The following ITFG1 variants were observed in gnomAD, a reference collection of about 807,000 sequenced individuals.
ITFG1 encodes T-cell immunomodulatory protein.
ITFG1 carries 34 observed loss-of-function variants against 81.8 expected under a neutral mutation model. That is an observed-to-expected ratio of 0.42 (90% confidence interval 0.32 to 0.55). The LOEUF (loss-of-function observed/expected upper bound fraction) is 0.55. ITFG1 is among the 20% of genes least tolerant of loss of function. The probability of loss-of-function intolerance (pLI) is 0.17; values close to 1 mark genes in which losing one functional copy is unlikely to be tolerated. For synonymous variants in ITFG1, 285 were observed against 270.6 expected (o/e 1.05, Z -0.52); for missense variants, 672 against 755.4 (o/e 0.89, Z 1.29).
chr16:47,266,752 A>G (rs1467874875), intron 10 of ITFG1, among the ~76,000 whole-genome samples: 2 of 152,198 alleles, frequency 1.3e-5, no homozygotes, highest in Admixed American at 6.5e-5. Context: ...TATATGGAAA[A>G]ATGTTCATAG....
chr16:47,403,825 C>G lies in ITFG1; in HGVS notation c.655+24979G>C, dbSNP rs111318543. 5.5e-4 allele frequency among the ~76,000 whole-genome samples: 83 copies of G among 150,474 alleles called. 2 individuals are homozygous for G. Among genetic ancestry groups the G allele is most frequent in the African/African-American group, 1.9e-3 (77 of 40,930 alleles). ...ACACACACAGAGGGAGAGACAGAAA[C>G]GCTTACTCTAGGTGGTTTCTCTAGG... On this transcript the variant is annotated intron_variant, in intron 6 of 17. Coordinates refer to ENST00000320640, the MANE Select transcript of ITFG1 (RefSeq NM_030790.5).
chr16:47,373,787 T>A (rs1288999127), intron 7 of ITFG1, among the ~76,000 whole-genome samples: 1 of 152,208 alleles, frequency 6.6e-6, no homozygotes, highest in Non-Finnish European at 1.5e-5. Context: ...AACTGATATG[T>A]AAGAAGATTT....
chr16:47,212,710 T>C (rs952289009), intron 14 of ITFG1, among the ~76,000 whole-genome samples: 18 of 152,356 alleles, frequency 1.2e-4, no homozygotes, highest in African/African-American at 4.3e-4. Context: ...TTCTAAGATG[T>C]CCAATGCATG....
chr16:47,188,495 C>T (rs2095344794), intron 14 of ITFG1, among the ~76,000 whole-genome samples: 1 of 150,568 alleles, frequency 6.6e-6, no homozygotes, highest in African/African-American at 2.4e-5. Context: ...TCATCATTCT[C>T]AGTAAACTAT....
intron 10 of ITFG1, among the ~76,000 whole-genome samples, chr16:47,289,924 ATT>A (rs1273725338): frequency 2.6e-5 from 4 of 151,904 alleles, no homozygotes; most frequent in Non-Finnish European, 4.4e-5. Context: ...TTTGACATGC[ATT>A]GTTAGGTGGT....
chr16:47,179,548 T>C (rs572060965), intron 14 of ITFG1, among the ~76,000 whole-genome samples: 4 of 152,216 alleles, frequency 2.6e-5, no homozygotes, highest in Admixed American at 6.5e-5. Flanking sequence ...ATGGTTGTAC[T>C]GAGTAAAGTC....
In ITFG1 at chr16:47,250,781, A is replaced by C. The variant is rs190814912; in HGVS notation, c.1330+7851T>G. On this transcript the variant is annotated intron_variant, in intron 12 of 17. Transcript: ENST00000320640. ...GAGTAGGATTGAGAAAGAGCTAATT[A>C]GTGTTGAGCAGGTCAGAGAGCTACT... 1.6e-3 allele frequency among the ~76,000 whole-genome samples: 246 copies of C among 152,360 alleles called. 3 individuals carry two copies. Among genetic ancestry groups the C allele is most frequent in the African/African-American group, 5.7e-3 (236 of 41,594 alleles).
At chr16:47,317,043 C>T (rs1406758505) in intron 8 of ITFG1, among the ~76,000 whole-genome samples, 8 of 152,164 alleles carry the variant, frequency 5.3e-5, no homozygotes, top group Admixed American at 5.2e-4. Context: ...GAAACTGCAA[C>T]AGATGGAATA....
At chr16:47,308,334 T>C (rs1967202625) in intron 10 of ITFG1, among the ~76,000 whole-genome samples, 1 of 152,220 alleles carries the variant, frequency 6.6e-6, no homozygotes, top group African/African-American at 2.4e-5. Context: ...AAAAGAATAG[T>C]GGCTAGAAAT....
At chr16:47,249,674 G>A (rs1567435470) in intron 12 of ITFG1, among the ~76,000 whole-genome samples, 1 of 152,178 alleles carries the variant, frequency 6.6e-6, no homozygotes, top group Non-Finnish European at 1.5e-5. Flanking sequence ...TGGACAATGG[G>A]ATGTGCAATT....
chr16:47,431,137 A>G (rs1969090705), intron 5 of ITFG1, among the ~76,000 whole-genome samples: 3 of 152,276 alleles, frequency 2.0e-5, no homozygotes, highest in South Asian at 4.1e-4. Context: ...TTAAATCTAT[A>G]GAGACAGAAA....
In ITFG1 at chr16:47,208,852, A is replaced by C. The variant is rs527855485; in HGVS notation, c.1453+10016T>G. 2.0e-5 allele frequency among the ~76,000 whole-genome samples: 3 copies of C among 152,368 alleles called. No homozygotes were observed. In the East Asian group the frequency reaches 5.8e-4, roughly 29 times the overall value. Reference sequence around the variant, plus strand: ...GTAAAACCTTTTGATTGAGGAAGTCAGATGGTCAACCCATCTTCCTTCCAT... The same window carrying C: ...GTAAAACCTTTTGATTGAGGAAGTCCGATGGTCAACCCATCTTCCTTCCAT... On this transcript the variant is annotated intron_variant, in intron 14 of 17. Transcript: ENST00000320640.
intron 5 of ITFG1, among the ~76,000 whole-genome samples, chr16:47,438,847 C>A (rs1358830765): frequency 2.0e-5 from 3 of 152,112 alleles, no homozygotes; most frequent in Non-Finnish European, 4.4e-5. Context: ...ATGACTTTGA[C>A]GAGTTGAGAG....
At chr16:47,211,363 C>T (rs937814489) in intron 14 of ITFG1, among the ~76,000 whole-genome samples, 2 of 152,248 alleles carry the variant, frequency 1.3e-5, no homozygotes, top group East Asian at 1.9e-4. Context: ...TTTTTGCGTT[C>T]TTGTATCCTG....
intron 8 of ITFG1, among the ~76,000 whole-genome samples, chr16:47,330,685 A>C (rs1381821266): frequency 6.6e-6 from 1 of 152,188 alleles, no homozygotes; most frequent in Non-Finnish European, 1.5e-5. Flanking sequence ...ATACTTCTCA[A>C]AAGAAGACAT....
At chr16:47,191,002 A>G (rs571931152) in intron 14 of ITFG1, among the ~76,000 whole-genome samples, 10 of 152,220 alleles carry the variant, frequency 6.6e-5, no homozygotes, top group African/African-American at 2.2e-4. Flanking sequence ...CAAGTCCCAC[A>G]GTATAAGGGC....
At chr16:47,282,250 T>A (rs1596859202) in intron 10 of ITFG1, among the ~76,000 whole-genome samples, 1 of 151,814 alleles carries the variant, frequency 6.6e-6, no homozygotes, top group African/African-American at 2.4e-5. Context: ...TCTCATCCCT[T>A]ACACCCCCTC....
intron 14 of ITFG1, among the ~76,000 whole-genome samples, chr16:47,211,491 C>A (rs1293357231): frequency 6.6e-6 from 1 of 152,120 alleles, no homozygotes; most frequent in Non-Finnish European, 1.5e-5. Flanking sequence ...GGTTTTACTT[C>A]TTTGCTTTCA....
At chr16:47,254,422 A>G (rs1966116891) in intron 12 of ITFG1, among the ~76,000 whole-genome samples, 1 of 152,036 alleles carries the variant, frequency 6.6e-6, no homozygotes, top group Non-Finnish European at 1.5e-5. Context: ...GGGAATTGGA[A>G]TATCTTATCA....
Sources: allele counts gnomAD v4.1 joint callset (sites outside exome capture counted in the v4.1 genomes callset), GRCh38; gene constraint gnomAD v4.1.1; transcripts MANE v1.5; gene names NCBI Gene and HGNC (gene_info 2026-07-23, HGNC 2026-07-21).